Variants in RCL1 observed in about 807,000 individuals in gnomAD.
The protein encoded by RCL1 is RNA 3'-terminal phosphate cyclase-like protein.
RCL1 carries 24 observed loss-of-function variants against 42.4 expected under a neutral mutation model. The ratio of observed to expected loss-of-function variants is 0.57; its 90% CI spans 0.41 to 0.80. The LOEUF is 0.80. Ranked by LOEUF, RCL1 falls within the 30% of genes least tolerant of loss-of-function variation. The pLI is 0.00. For missense variants in RCL1, 578 were observed against 467.9 expected (o/e 1.24, Z -2.17); for synonymous variants, 228 against 177.3 (o/e 1.29, Z -2.27).
intron 1 of RCL1, among the ~76,000 whole-genome samples, chr9:4,794,155 G>A (rs1842877278): frequency 6.6e-6 from 1 of 152,192 alleles, no homozygotes; most frequent in Admixed American, 6.5e-5. Flanking sequence ...GTTGGTCCTG[G>A]AAGCTTCCTG....
At chr9:4,838,591 C>T (rs1366787785) in intron 5 of RCL1, among the ~76,000 whole-genome samples, 1 of 152,148 alleles carries the variant, frequency 6.6e-6, no homozygotes, top group Non-Finnish European at 1.5e-5. Flanking sequence ...GTAACATACA[C>T]ACACACACCC....
intron 1 of RCL1, among the ~76,000 whole-genome samples, chr9:4,799,286 T>G (rs1842961767): frequency 6.6e-6 from 1 of 152,042 alleles, no homozygotes; most frequent in Non-Finnish European, 1.5e-5. Flanking sequence ...AAGTGCTACT[T>G]CAGATGGAAC....
At chr9:4,817,613 C>T (rs186588072) in intron 1 of RCL1, among the ~76,000 whole-genome samples, 3 of 151,904 alleles carry the variant, frequency 2.0e-5, no homozygotes, top group Non-Finnish European at 4.4e-5. Flanking sequence ...ACCCTGCCCC[C>T]CTGAGTAGCT....
intron 3 of RCL1, among the ~76,000 whole-genome samples, chr9:4,829,249 G>C (rs1816869960): frequency 6.6e-6 from 1 of 152,170 alleles, no homozygotes; most frequent in African/African-American, 2.4e-5. Flanking sequence ...TCTGGAGGTT[G>C]AGTGAAAGAT....
intron 1 of RCL1, chr9:4,804,336 C>T (rs1338972823): frequency 2.0e-5 from 3 of 152,470 alleles, no homozygotes; most frequent in Non-Finnish European, 4.4e-5. Flanking sequence ...CCTCTATGGG[C>T]CAGACGTTGG....
At chr9:4,837,474 G>A (rs772009816) in intron 5 of RCL1, among the ~76,000 whole-genome samples, 3 of 152,036 alleles carry the variant, frequency 2.0e-5, no homozygotes, top group Admixed American at 6.6e-5. Flanking sequence ...TATTTGAGAT[G>A]TGTTTCCTTA....
intron 1 of RCL1, among the ~76,000 whole-genome samples, chr9:4,820,946 C>T (rs935082571): frequency 1.3e-5 from 2 of 152,106 alleles, no homozygotes; most frequent in African/African-American, 4.8e-5. Flanking sequence ...TACAGTTATT[C>T]CAACGTAGTT....
chr9:4,813,985 C>T (rs1401355618), intron 1 of RCL1, among the ~76,000 whole-genome samples: 1 of 152,042 alleles, frequency 6.6e-6, no homozygotes, highest in Admixed American at 6.5e-5. Context: ...GGGAATTGAA[C>T]AATGAGAACA....
chr9:4,832,930 C>T (rs915922731), intron 3 of RCL1, among the ~76,000 whole-genome samples: 1 of 151,904 alleles, frequency 6.6e-6, no homozygotes, highest in Non-Finnish European at 1.5e-5. Context: ...GTGTTGGTCT[C>T]CATGTCATGA....
chr9:4,851,387 C>G (rs961167462), intron 8 of RCL1, among the ~76,000 whole-genome samples: 2 of 152,180 alleles, frequency 1.3e-5, no homozygotes, highest in African/African-American at 4.8e-5. Context: ...TTTTGGTAAG[C>G]TAGCATAAAG....
rs138076058 is a variant in RCL1, at chr9:4,834,148, G to A, written c.467G>A (p.Arg156Gln). Residue 156 changes from arginine (R) to glutamine (Q), a missense_variant, in exon 5 of 9, where the codon CGA becomes CAA. Transcript: ENST00000381750. ...TTCTCACTCTCTGTGTAGATTGTGC[G>A]ACGGGGAATGCCTCCCGGAGGAGGA... The part of the protein sequence containing the change: ...DGESFELKIV[R>Q]RGMPPGGGGE... The A allele has an allele frequency of 5.6e-6, 9 of 1,605,466 alleles. No homozygotes were observed. The highest frequency in any genetic ancestry group is 2.7e-5 in the African/African-American group (2 of 73,832).
intron 1 of RCL1, among the ~76,000 whole-genome samples, chr9:4,811,364 T>G (rs1816168560): frequency 6.6e-6 from 1 of 152,126 alleles, no homozygotes; most frequent in Admixed American, 6.6e-5. Context: ...ACATTAGAAC[T>G]TATTTCTCTT....
chr9:4,826,797 T>C, intron 2 of RCL1, 61 bp from the exon 3 acceptor site: 2 of 1,443,824 alleles, frequency 1.4e-6, no homozygotes, highest in Non-Finnish European at 1.9e-6. Flanking sequence ...CTGCCTTCAT[T>C]ACCTTTGTGA....
At chr9:4,809,140 A>G (rs193211053) in intron 1 of RCL1, among the ~76,000 whole-genome samples, 6 of 152,072 alleles carry the variant, frequency 3.9e-5, no homozygotes, top group Admixed American at 3.9e-4. Context: ...GTTCCATAAT[A>G]CAGACATACC....
At chr9:4,837,595 G>T (rs1359929668) in intron 5 of RCL1, among the ~76,000 whole-genome samples, 1 of 152,136 alleles carries the variant, frequency 6.6e-6, no homozygotes, top group African/African-American at 2.4e-5. Flanking sequence ...AACAACATGG[G>T]TTTCATCACA....
chr9:4,804,748 C>A, intron 1 of RCL1: 1 of 185,866 alleles, frequency 5.4e-6, no homozygotes. Flanking sequence ...AGCGAGGACA[C>A]GGTGGCGGCC....
intron 1 of RCL1, among the ~76,000 whole-genome samples, chr9:4,808,859 G>T (rs1270464895): frequency 6.6e-6 from 1 of 152,242 alleles, no homozygotes; most frequent in South Asian, 2.1e-4. Flanking sequence ...AGAAGTTTTT[G>T]ATTTCATTTT....
In RCL1 at chr9:4,859,890, T is replaced by TC. The variant is rs199584628; in HGVS notation, c.972-227dup. The stretch of plus-strand genomic sequence containing the variant: ...GTGTCACGTACGAACTTCTAACCTT[T>TC]CCCCCCCCAGTTTAATTTATCTTGC... On this transcript the variant is annotated intron_variant, in intron 8 of 8. Coordinates refer to ENST00000381750, the MANE Select transcript of RCL1 (RefSeq NM_005772.5). Among the ~76,000 whole-genome samples, 580 of 151,590 alleles carry TC rather than the reference T, an allele frequency of 3.8e-3. 7 individuals carry two copies. The highest frequency in any genetic ancestry group is 0.021 in the East Asian group (107 of 5,170).
chr9:4,808,013 A>G (rs375966695), intron 1 of RCL1, among the ~76,000 whole-genome samples: 4 of 152,168 alleles, frequency 2.6e-5, no homozygotes, highest in African/African-American at 7.2e-5. Context: ...CTTAGAACAA[A>G]TATATGTTCT....
Sources: allele counts gnomAD v4.1 joint callset (sites outside exome capture counted in the v4.1 genomes callset), GRCh38; gene constraint gnomAD v4.1.1; transcripts MANE v1.5; gene names NCBI Gene and HGNC (gene_info 2026-07-23, HGNC 2026-07-21).